NKAIN2: variants seen among roughly 807,000 people sequenced by gnomAD.
The protein encoded by NKAIN2 is sodium/potassium-transporting ATPase subunit beta-1-interacting protein 2.
NKAIN2 carries 14 observed loss-of-function variants against 32.6 expected under a neutral mutation model. The ratio of observed to expected loss-of-function variants is 0.43; its 90% CI spans 0.28 to 0.67. The LOEUF (loss-of-function observed/expected upper bound fraction) is 0.67, where lower values mean the gene tolerates loss of function less well. Among genes scored for constraint, NKAIN2 ranks in the 30% least tolerant of loss-of-function variants. The probability of loss-of-function intolerance (pLI) is 0.17; values close to 1 mark genes in which losing one functional copy is unlikely to be tolerated. For synonymous variants in NKAIN2, 80 were observed against 87.2 expected (o/e 0.92, Z 0.46); for missense variants, 198 against 258.3 (o/e 0.77, Z 1.60).
chr6:124,010,296 C>T (rs1277000312), intron 1 of NKAIN2, among the ~76,000 whole-genome samples: 1 of 151,974 alleles, frequency 6.6e-6, no homozygotes, highest in East Asian at 1.9e-4. Flanking sequence ...TAAGGGTCTA[C>T]ACTACTCTTG....
At chr6:124,543,851 A>G (rs1779995615) in intron 3 of NKAIN2, among the ~76,000 whole-genome samples, 1 of 152,168 alleles carries the variant, frequency 6.6e-6, no homozygotes, top group Non-Finnish European at 1.5e-5. Context: ...ACTGGCCACA[A>G]TGGGCTAATA....
chr6:124,409,176 G>A (rs929309981), intron 3 of NKAIN2, among the ~76,000 whole-genome samples: 3 of 152,060 alleles, frequency 2.0e-5, no homozygotes, highest in East Asian at 1.9e-4. Context: ...CTAACTGAAT[G>A]CCGTTTATTT....
intron 1 of NKAIN2, among the ~76,000 whole-genome samples, chr6:123,836,481 G>A (rs377760790): frequency 2.8e-4 from 42 of 151,822 alleles, no homozygotes; most frequent in African/African-American, 9.7e-4. Flanking sequence ...AAAAACAGGA[G>A]GTAAAACCAA....
At chr6:124,441,880 A>G (rs188226822) in intron 3 of NKAIN2, among the ~76,000 whole-genome samples, 10 of 152,112 alleles carry the variant, frequency 6.6e-5, no homozygotes, top group Non-Finnish European at 4.4e-5. Flanking sequence ...GGATAGTGCT[A>G]TATTGGGTGC....
intron 3 of NKAIN2, among the ~76,000 whole-genome samples, chr6:124,358,386 C>G (rs1475465385): frequency 6.6e-6 from 1 of 151,988 alleles, no homozygotes; most frequent in African/African-American, 2.4e-5. Flanking sequence ...GTTTACAGTC[C>G]CACCAACAGT....
At chr6:123,844,978 G>T (rs866063308) in intron 1 of NKAIN2, among the ~76,000 whole-genome samples, 3 of 152,100 alleles carry the variant, frequency 2.0e-5, no homozygotes, top group Admixed American at 6.5e-5. Context: ...CTGAACAAAA[G>T]AATTTAACAT....
chr6:124,497,301 A>G (rs548472748), intron 3 of NKAIN2, among the ~76,000 whole-genome samples: 66 of 152,304 alleles, frequency 4.3e-4, no homozygotes, highest in African/African-American at 1.5e-3. Context: ...ACTTGCCACT[A>G]AAAAATAAAA....
chr6:124,491,980 A>G (rs1777881513), intron 3 of NKAIN2, among the ~76,000 whole-genome samples: 1 of 151,996 alleles, frequency 6.6e-6, no homozygotes, highest in Non-Finnish European at 1.5e-5. Context: ...AGTAGCAAAG[A>G]GTCACAGTGG....
intron 3 of NKAIN2, among the ~76,000 whole-genome samples, chr6:124,508,250 C>T (rs1056631665): frequency 5.9e-5 from 9 of 151,752 alleles, no homozygotes; most frequent in Admixed American, 3.9e-4. Context: ...GAGTAAGATC[C>T]GGCCTCAAAA....
chr6:124,667,402 A>T lies in NKAIN2; in HGVS notation c.474+9016A>T, dbSNP rs569119251. Among the ~76,000 whole-genome samples the T allele has an allele frequency of 2.6e-3, 392 of 152,280 alleles. 1 individual carries two copies. The highest frequency in any genetic ancestry group is 9.0e-3 in the African/African-American group (376 of 41,584). The stretch of plus-strand genomic sequence containing the variant: ...TTTTTATATTTGATTTTATAATCAT[A>T]AAATTATTTCAGGAAGAAGTGAAGT... On this transcript the variant is annotated intron_variant, in intron 4 of 6. Transcript: ENST00000368417.
chr6:123,857,681 T>C (rs1319579498), intron 1 of NKAIN2, among the ~76,000 whole-genome samples: 1 of 150,532 alleles, frequency 6.6e-6, no homozygotes, highest in Non-Finnish European at 1.5e-5. Flanking sequence ...AGATAGCTCT[T>C]CTGGCAGTTC....
intron 4 of NKAIN2, among the ~76,000 whole-genome samples, chr6:124,719,620 C>T (rs6934093): frequency 0.01 from 1,538 of 151,838 alleles, 16 homozygotes; most frequent in African/African-American, 0.036. Context: ...AGACATCTTT[C>T]TTTTATTCTC....
At chr6:124,301,270 G>A (rs1187194469) in intron 2 of NKAIN2, among the ~76,000 whole-genome samples, 1 of 152,204 alleles carries the variant, frequency 6.6e-6, no homozygotes, top group African/African-American at 2.4e-5. Context: ...CGGGTGCACA[G>A]AAGTAAAGAA....
At chr6:124,532,303 G>A (rs955884918) in intron 3 of NKAIN2, among the ~76,000 whole-genome samples, 1 of 152,084 alleles carries the variant, frequency 6.6e-6, no homozygotes, top group African/African-American at 2.4e-5. Context: ...TCCTGTTCAA[G>A]CAAGCAAAGT....
At chr6:124,431,533 C>T (rs1281483493) in intron 3 of NKAIN2, among the ~76,000 whole-genome samples, 4 of 152,116 alleles carry the variant, frequency 2.6e-5, no homozygotes, top group Non-Finnish European at 5.9e-5. Flanking sequence ...GTTGAAACCA[C>T]AGATATATTA....
At chr6:124,108,483 CAGT>C (rs1785220761) in intron 1 of NKAIN2, among the ~76,000 whole-genome samples, 1 of 151,958 alleles carries the variant, frequency 6.6e-6, no homozygotes, top group East Asian at 1.9e-4. Flanking sequence ...CATTTCCATA[CAGT>C]AGATTTCTTT....
At chr6:124,288,709 T>C (rs1582995682) in intron 2 of NKAIN2, among the ~76,000 whole-genome samples, 2 of 152,300 alleles carry the variant, frequency 1.3e-5, no homozygotes, top group African/African-American at 4.8e-5. Context: ...TATAATTATA[T>C]GTTAAATAAG....
chr6:124,691,778 C>T (rs1038177958), intron 4 of NKAIN2, among the ~76,000 whole-genome samples: 25 of 152,140 alleles, frequency 1.6e-4, no homozygotes, highest in African/African-American at 5.1e-4. Flanking sequence ...AGGTGAGGCC[C>T]TCTCTCACAC....
intron 1 of NKAIN2, among the ~76,000 whole-genome samples, chr6:124,037,164 C>T (rs1021237418): frequency 3.3e-5 from 5 of 151,878 alleles, no homozygotes; most frequent in Non-Finnish European, 4.4e-5. Flanking sequence ...GTGATCACTT[C>T]CAAGAAGGAA....
Sources: allele counts gnomAD v4.1 joint callset (sites outside exome capture counted in the v4.1 genomes callset), GRCh38; gene constraint gnomAD v4.1.1; transcripts MANE v1.5; gene names NCBI Gene and HGNC (gene_info 2026-07-23, HGNC 2026-07-21).